Variants in SEMA3C observed in about 807,000 individuals in gnomAD.
The protein encoded by SEMA3C is semaphorin 3C.
SEMA3C carries 47 observed loss-of-function variants against 89.4 expected under a neutral mutation model. The ratio of observed to expected loss-of-function variants is 0.53; its 90% CI spans 0.42 to 0.67. SEMA3C has a LOEUF of 0.67. Ranked by LOEUF, SEMA3C falls within the 30% of genes least tolerant of loss-of-function variation. The probability of loss-of-function intolerance (pLI) is 0.00; values close to 1 mark genes in which losing one functional copy is unlikely to be tolerated. For missense variants in SEMA3C, 839 were observed against 929.1 expected (o/e 0.90, Z 1.26); for synonymous variants, 310 against 320.2 (o/e 0.97, Z 0.34).
intron 2 of SEMA3C, among the ~76,000 whole-genome samples, chr7:80,909,545 C>T (rs1379124631): frequency 1.3e-5 from 2 of 152,044 alleles, no homozygotes; most frequent in Non-Finnish European, 1.5e-5. Context: ...TGCTAGCAAG[C>T]GTTAAAGTTG....
intron 12 of SEMA3C, among the ~76,000 whole-genome samples, chr7:80,781,969 T>C (rs916962966): frequency 6.6e-6 from 1 of 152,020 alleles, no homozygotes; most frequent in African/African-American, 2.4e-5. Flanking sequence ...TCTCCAAATA[T>C]ATGCAGAATC....
At chr7:80,903,199 G>A (rs946702715) in intron 2 of SEMA3C, among the ~76,000 whole-genome samples, 3 of 152,064 alleles carry the variant, frequency 2.0e-5, no homozygotes, top group Admixed American at 6.6e-5. Flanking sequence ...ACCAACCTAG[G>A]TGGATCTCTT....
At position 80,802,558 on chromosome 7, in the gene SEMA3C, T is replaced by C. The variant is rs1053364621; in HGVS notation, c.916+107A>G. The C allele has an allele frequency of 1.4e-5, 9 of 654,552 alleles. No individual in the cohort carries two copies. The Middle Eastern group carries it at 1.1e-3, about 79-fold the overall frequency. The allele number at this position is 654,552 out of a possible 1,614,324, so 40.5% of individuals were successfully genotyped here. On this transcript the variant is annotated intron_variant, in intron 9 of 17. Coordinates refer to ENST00000265361, the MANE Select transcript of SEMA3C (RefSeq NM_006379.5). ...ATAATTATTTTAAATTAGCATATTA[T>C]TTATGCTGAAAATATGGAAAGTACA...
At chr7:80,811,745 T>C (rs899600466) in intron 5 of SEMA3C, among the ~76,000 whole-genome samples, 1 of 152,118 alleles carries the variant, frequency 6.6e-6, no homozygotes, top group African/African-American at 2.4e-5. Flanking sequence ...GGGAATGAAA[T>C]GTATAAAAAC....
rs761990267 is a variant in SEMA3C, at chr7:80,815,554, C to CAAAAAAAAAAAAAAA, written c.447+2730_447+2744dup. ...AAACCCAATCCTTTCTTTAAATGGG[C>CAAAAAAAAAAAAAAA]AAAAAAAAAAAAAAAAAAAGTAAAT... On this transcript the variant is annotated intron_variant, in intron 5 of 17. Coordinates refer to ENST00000265361, the MANE Select transcript of SEMA3C (RefSeq NM_006379.5). 1.0e-3 allele frequency among the ~76,000 whole-genome samples: 60 copies of CAAAAAAAAAAAAAAA among 58,830 alleles called. 3 individuals are homozygous for CAAAAAAAAAAAAAAA. Among genetic ancestry groups the CAAAAAAAAAAAAAAA allele is most frequent in the African/African-American group, 2.4e-3 (37 of 15,566 alleles). The allele number at this position is 58,830 out of a possible 152,430, so 38.6% of individuals were successfully genotyped here. A position where few individuals can be genotyped will look rare whatever the true frequency, so the allele number is the denominator to read the frequency against.
chr7:80,837,788 C>T (rs185292231), intron 2 of SEMA3C, among the ~76,000 whole-genome samples: 11 of 152,220 alleles, frequency 7.2e-5, no homozygotes, highest in Non-Finnish European at 1.3e-4. Context: ...GTCTCAGGTT[C>T]GCTGATAAAT....
intron 12 of SEMA3C, among the ~76,000 whole-genome samples, chr7:80,787,212 T>A (rs1788824262): frequency 6.6e-6 from 1 of 151,774 alleles, no homozygotes; most frequent in Non-Finnish European, 1.5e-5. Context: ...GCCAACATGG[T>A]GAAACCCTGT....
At chr7:80,869,685 T>C (rs1410460435) in intron 2 of SEMA3C, among the ~76,000 whole-genome samples, 1 of 152,210 alleles carries the variant, frequency 6.6e-6, no homozygotes, top group African/African-American at 2.4e-5. Flanking sequence ...TTTAGAATTA[T>C]AAAATTGTAT....
intron 5 of SEMA3C, among the ~76,000 whole-genome samples, chr7:80,815,553 G>GAA (rs1789582066): frequency 2.1e-5 from 1 of 47,782 alleles, no homozygotes; most frequent in Admixed American, 2.3e-4. Flanking sequence ...CTTTAAATGG[G>GAA]CAAAAAAAAA....
intron 2 of SEMA3C, among the ~76,000 whole-genome samples, chr7:80,868,273 A>C (rs1373075358): frequency 6.6e-6 from 1 of 151,778 alleles, no homozygotes; most frequent in Admixed American, 6.6e-5. Context: ...ATTTTTATTC[A>C]TTATTTTTTT....
chr7:80,790,772 A>G (rs1214261882), intron 11 of SEMA3C, among the ~76,000 whole-genome samples: 1 of 152,088 alleles, frequency 6.6e-6, no homozygotes, highest in Admixed American at 6.6e-5. Flanking sequence ...ACCTAACAGT[A>G]TATTATGTAT....
At chr7:80,916,222 T>C (rs1462375558) in intron 2 of SEMA3C, among the ~76,000 whole-genome samples, 1 of 152,176 alleles carries the variant, frequency 6.6e-6, no homozygotes, top group Non-Finnish European at 1.5e-5. Context: ...AGAAACACCA[T>C]TAGAACAACA....
chr7:80,890,566 A>G (rs1010013921), intron 2 of SEMA3C, among the ~76,000 whole-genome samples: 3 of 152,154 alleles, frequency 2.0e-5, no homozygotes, highest in African/African-American at 7.2e-5. Flanking sequence ...TACTTTTTAA[A>G]TCTATTGGTC....
chr7:80,815,055 A>G (rs1045343607), intron 5 of SEMA3C, among the ~76,000 whole-genome samples: 3 of 152,242 alleles, frequency 2.0e-5, no homozygotes, highest in Non-Finnish European at 4.4e-5. Context: ...AGTAGCCTTT[A>G]AAGCTTTTAA....
rs1202399300 is a variant in SEMA3C at position 80,749,016 on chromosome 7, G to T, written c.1724C>A (p.Ala575Glu). Residue 575 changes from alanine (A) to glutamate (E), a missense_variant, in exon 17 of 18, where the codon GCA (alanine) becomes GAA (glutamate). Physicochemically the swap from Ala to Glu is moderately radical, Grantham distance 107 (BLOSUM62 -1). Transcript: ENST00000265361. ...RGFNLKAYRN[A>E]AEIVQYGVKN... Reference sequence around the variant, plus strand: ...TACTCCATACTGGACAATTTCAGCTGCATTTCTGTATGCTAGCAGGCAAAA... The same window carrying T: ...TACTCCATACTGGACAATTTCAGCTTCATTTCTGTATGCTAGCAGGCAAAA... 1 of 1,604,126 alleles carries T rather than the reference G, an allele frequency of 6.2e-7. No individual in the cohort carries two copies. The highest frequency in any genetic ancestry group is 2.2e-5 in the East Asian group (1 of 44,726).
intron 5 of SEMA3C, among the ~76,000 whole-genome samples, chr7:80,817,612 T>C (rs1789639702): frequency 6.6e-6 from 1 of 152,186 alleles, no homozygotes; most frequent in Non-Finnish European, 1.5e-5. Context: ...CAGCCTCATA[T>C]TTGACTATAC....
At chr7:80,894,572 G>T (rs1316182503) in intron 2 of SEMA3C, among the ~76,000 whole-genome samples, 2 of 152,138 alleles carry the variant, frequency 1.3e-5, no homozygotes, top group African/African-American at 4.8e-5. Flanking sequence ...AGCACTGGGG[G>T]TTTGAAGGCA....
intron 2 of SEMA3C, among the ~76,000 whole-genome samples, chr7:80,838,632 C>T (rs1045480397): frequency 6.6e-6 from 1 of 152,146 alleles, no homozygotes; most frequent in Non-Finnish European, 1.5e-5. Flanking sequence ...AATTCATATA[C>T]AAGAGGTTTA....
chr7:80,850,533 T>G (rs541260031), intron 2 of SEMA3C, among the ~76,000 whole-genome samples: 1 of 152,248 alleles, frequency 6.6e-6, no homozygotes, highest in African/African-American at 2.4e-5. Flanking sequence ...GCAATTCCAT[T>G]TACATAAAGT....
Sources: allele counts gnomAD v4.1 joint callset (sites outside exome capture counted in the v4.1 genomes callset), GRCh38; gene constraint gnomAD v4.1.1; transcripts MANE v1.5; gene names NCBI Gene and HGNC (gene_info 2026-07-23, HGNC 2026-07-21).